The following CLEC19A variants were observed in gnomAD, a reference collection of about 807,000 sequenced individuals.
CLEC19A encodes C-type lectin domain family 19 member A.
Under a neutral mutation model 26.1 loss-of-function variants are expected in CLEC19A, and 21 were observed. That is an observed-to-expected ratio of 0.80 (90% CI 0.57 to 1.16). The LOEUF is 1.16. Among genes scored for constraint, CLEC19A ranks in the 50% most tolerant of loss-of-function variants. CLEC19A has a pLI of 0.00. For synonymous variants in CLEC19A, 89 were observed against 88.6 expected (o/e 1.00, Z -0.03); for missense variants, 224 against 227.6 (o/e 0.98, Z 0.10).
chr16:19,295,062 C>T (rs1260858208), intron 1 of CLEC19A, among the ~76,000 whole-genome samples: 2 of 152,080 alleles, frequency 1.3e-5, no homozygotes, highest in African/African-American at 4.8e-5. Flanking sequence ...GTGGTGATAA[C>T]CAAAAATGTC....
intron 1 of CLEC19A, among the ~76,000 whole-genome samples, chr16:19,287,181 A>T (rs1404524426): frequency 6.6e-6 from 1 of 152,114 alleles, no homozygotes; most frequent in Non-Finnish European, 1.5e-5. Context: ...TTAAGCAACA[A>T]ACATTTATTT....
At chr16:19,303,223 T>C (rs1597087600) in intron 2 of CLEC19A, among the ~76,000 whole-genome samples, 1 of 152,356 alleles carries the variant, frequency 6.6e-6, no homozygotes, top group Admixed American at 6.5e-5. Flanking sequence ...ATGAAAATAA[T>C]TGTGTTCATT....
At chr16:19,300,647 G>A (rs1347436930) in intron 2 of CLEC19A, among the ~76,000 whole-genome samples, 21 of 152,280 alleles carry the variant, frequency 1.4e-4, no homozygotes, top group Admixed American at 1.4e-3. Flanking sequence ...TGAACAACCA[G>A]TGTATTTTCA....
At chr16:19,307,072 G>A (rs1897972439) in intron 3 of CLEC19A, among the ~76,000 whole-genome samples, 1 of 152,170 alleles carries the variant, frequency 6.6e-6, no homozygotes, top group Non-Finnish European at 1.5e-5. Context: ...CCTTAGGCAA[G>A]AAAAACACGG....
At chr16:19,308,227 T>G (rs13338270) in intron 4 of CLEC19A, among the ~76,000 whole-genome samples, 39,022 of 152,094 alleles carry the variant, frequency 0.26, 5,257 homozygotes, top group East Asian at 0.48. Flanking sequence ...CCTACAAGAC[T>G]GCTGTGAGGA....
chr16:19,299,446 A>G (rs759192014), intron 2 of CLEC19A, among the ~76,000 whole-genome samples: 26 of 152,172 alleles, frequency 1.7e-4, no homozygotes, highest in Admixed American at 1.3e-4. Context: ...CCAGTTTTGA[A>G]AGCGTGGATT....
chr16:19,300,488 C>T (rs1258823567), intron 2 of CLEC19A, among the ~76,000 whole-genome samples: 1 of 150,324 alleles, frequency 6.7e-6, no homozygotes, highest in Non-Finnish European at 1.5e-5. Flanking sequence ...GTTGAGGCTG[C>T]AGTGAGCCAT....
At position 19,304,099 on chromosome 16, in the gene CLEC19A, A is replaced by T. The variant is rs1295531003; in HGVS notation, c.292A>T (p.Ser98Cys). 1 of 1,550,600 alleles carries T rather than the reference A, an allele frequency of 6.4e-7. No homozygotes were observed. Among genetic ancestry groups the T allele is most frequent in the Non-Finnish European group, 8.7e-7 (1 of 1,146,976 alleles). Residue 98 changes from serine to cysteine, a missense_variant, in exon 3 of 5, where the codon AGC becomes TGC. Coordinates refer to ENST00000636231, the MANE Select transcript of CLEC19A (RefSeq NM_001256720.2). The stretch of plus-strand genomic sequence containing the variant: ...TGTCTTTGTATATGACCTCGTGAAC[A>T]GCTGTGTTCCCGGCATCCCAGCTGA... ...ENVFVYDLVN[S>C]CVPGIPADVW... is the part of the protein sequence containing the mutation.
At chr16:19,294,154 T>TA (rs35286909) in intron 1 of CLEC19A, among the ~76,000 whole-genome samples, 39,065 of 147,434 alleles carry the variant, frequency 0.26, 5,255 homozygotes, top group East Asian at 0.41. Flanking sequence ...AAAGTTTATT[T>TA]AAAAAAAAAA....
intron 3 of CLEC19A, among the ~76,000 whole-genome samples, chr16:19,305,554 G>A (rs1194546370): frequency 6.6e-6 from 1 of 152,124 alleles, no homozygotes; most frequent in Non-Finnish European, 1.5e-5. Context: ...GGGCACTATA[G>A]GGAATAAGGT....
intron 4 of CLEC19A, among the ~76,000 whole-genome samples, chr16:19,308,255 GAT>G (rs141355389): frequency 5.1e-4 from 78 of 152,340 alleles, no homozygotes; most frequent in Non-Finnish European, 1.0e-3. Context: ...AGGCACAGTT[GAT>G]ATAGCACCGT....
At chr16:19,296,920 C>T (rs75705507) in intron 1 of CLEC19A, among the ~76,000 whole-genome samples, 37 of 152,244 alleles carry the variant, frequency 2.4e-4, no homozygotes, top group Admixed American at 8.5e-4. Context: ...CAGCATCTCA[C>T]GGCAGGTCAG....
At chr16:19,298,623 A>G (rs548042507) in intron 1 of CLEC19A, 50 bp from the exon 2 acceptor site, 1 of 1,523,278 alleles carries the variant, frequency 6.6e-7, no homozygotes, top group South Asian at 1.2e-5. Flanking sequence ...TATGGAAACA[A>G]TGTCAGCACT....
At chr16:19,298,586 G>T (rs1238205731) in intron 1 of CLEC19A, 87 bp from the exon 2 acceptor site, 109 of 1,362,172 alleles carry the variant, frequency 8.0e-5, no homozygotes, top group Non-Finnish European at 1.0e-4. Context: ...TTAAAAGATT[G>T]TAAAGAAAAG....
intron 4 of CLEC19A, among the ~76,000 whole-genome samples, chr16:19,307,959 T>A (rs1597090637): frequency 1.3e-5 from 2 of 152,170 alleles, no homozygotes; most frequent in Admixed American, 1.3e-4. Flanking sequence ...AATAAAGACT[T>A]GTATAGAGAG....
Position 19,307,547 on chromosome 16 carries a change from A to G in CLEC19A, c.351A>G (p.Glu117=). The part of the protein sequence containing the change: ...VWTGLHDHRQ[E]GQFEWTDGSS... Reference sequence around the variant, plus strand: ...CTCTTTGGGTGGAACCCTCCCAGGAAGGGCAGTTTGAATGGACTGATGGCT... The same window carrying G: ...CTCTTTGGGTGGAACCCTCCCAGGAGGGGCAGTTTGAATGGACTGATGGCT... Residue 117 remains glutamate, a splice_region_variant and synonymous_variant, in exon 4 of 5, where the codon GAA becomes GAG. Transcript: ENST00000636231. The G allele has an allele frequency of 1.3e-6, 2 of 1,548,028 alleles. No homozygotes were observed. Among genetic ancestry groups the G allele is most frequent in the Non-Finnish European group, 1.7e-6 (2 of 1,146,740 alleles).
Position 19,285,876 on chromosome 16 carries a change from G to T in CLEC19A, c.25G>T (p.Ala9Ser), listed in dbSNP as rs749825262. 3.2e-6 allele frequency: 5 copies of T among 1,550,560 alleles called. No homozygotes were observed. The highest frequency in any genetic ancestry group is 4.4e-6 in the Non-Finnish European group (5 of 1,146,990). Residue 9 changes from alanine to serine, a missense_variant, in exon 1 of 5, where the codon GCA becomes TCA. Transcript: ENST00000636231. MQRWTLWA[A>S]AFLTLHSAQA... ...GATGCAAAGGTGGACACTGTGGGCTGCAGCCTTCCTGACCCTCCACTCTGC... is the reference window on the plus strand; with the variant it reads ...GATGCAAAGGTGGACACTGTGGGCTTCAGCCTTCCTGACCCTCCACTCTGC...
At chr16:19,303,860 G>A (rs1308217805) in intron 2 of CLEC19A, 1 of 521,894 alleles carries the variant, frequency 1.9e-6, no homozygotes. Flanking sequence ...GTCCTTCTTT[G>A]AACTGGCATA....
At chr16:19,295,075 CA>C (rs1487455726) in intron 1 of CLEC19A, among the ~76,000 whole-genome samples, 1 of 152,124 alleles carries the variant, frequency 6.6e-6, no homozygotes, top group East Asian at 1.9e-4. Flanking sequence ...AAAATGTCTC[CA>C]GACATTGTCC....
Sources: allele counts gnomAD v4.1 joint callset (sites outside exome capture counted in the v4.1 genomes callset), GRCh38; gene constraint gnomAD v4.1.1; transcripts MANE v1.5; gene names NCBI Gene and HGNC (gene_info 2026-07-23, HGNC 2026-07-21).